OSBPL10: variants seen among roughly 807,000 people sequenced by gnomAD.
The protein encoded by OSBPL10 is oxysterol-binding protein-related protein 10.
In OSBPL10, 49 loss-of-function variants were observed where a neutral mutation model predicts 81.7. The observed-to-expected ratio is 0.60, with a 90% CI of 0.48 to 0.76. The LOEUF (loss-of-function observed/expected upper bound fraction) is 0.76, where lower values mean the gene tolerates loss of function less well. OSBPL10 is among the 30% of genes least tolerant of loss of function. The pLI is 0.00. For synonymous variants in OSBPL10, 419 were observed against 383.6 expected, an observed-to-expected ratio of 1.09 and a Z score of -1.08; for missense variants, 923 against 987.8, an observed-to-expected ratio of 0.93 and a Z score of 0.88.
chr3:31,971,110 T>TG (rs1291507826), intron 1 of OSBPL10, among the ~76,000 whole-genome samples: 3 of 147,564 alleles, frequency 2.0e-5, no homozygotes, highest in Non-Finnish European at 4.5e-5. Context: ...AATGAGTTGG[T>TG]TTTTTTTTTC....
At chr3:32,054,182 T>C (rs72858435) in intron 1 of OSBPL10, among the ~76,000 whole-genome samples, 6,193 of 152,274 alleles carry the variant, frequency 0.041, 352 homozygotes, top group African/African-American at 0.12. Flanking sequence ...TATTTTAAAA[T>C]ATCAAGTGCT....
At chr3:31,865,553 A>G (rs1339951824) in intron 3 of OSBPL10, among the ~76,000 whole-genome samples, 1 of 152,108 alleles carries the variant, frequency 6.6e-6, no homozygotes, top group Non-Finnish European at 1.5e-5. Context: ...CCTAACCCCC[A>G]AGTTGATAGC....
At chr3:31,985,199 A>G (rs1374413081), upstream of OSBPL10, among the ~76,000 whole-genome samples, 1 of 152,222 alleles carries the variant, frequency 6.6e-6, no homozygotes, top group East Asian at 1.9e-4. Context: ...AGATCACACC[A>G]TTGCACTCCA....
intron 4 of OSBPL10, among the ~76,000 whole-genome samples, chr3:31,756,378 T>G (rs1697887524): frequency 6.6e-6 from 1 of 152,154 alleles, no homozygotes; most frequent in South Asian, 2.1e-4. Flanking sequence ...CTTTTTTGGT[T>G]TTGCTTTCCG....
At chr3:31,977,221 C>T (rs1698717640) in intron 1 of OSBPL10, among the ~76,000 whole-genome samples, 2 of 152,080 alleles carry the variant, frequency 1.3e-5, no homozygotes, top group South Asian at 4.1e-4. Context: ...TATTCTTGCC[C>T]CTCTCTCACC....
intron 1 of OSBPL10, among the ~76,000 whole-genome samples, chr3:31,924,927 T>A (rs1697027483): frequency 6.6e-6 from 1 of 152,194 alleles, no homozygotes; most frequent in Non-Finnish European, 1.5e-5. Context: ...ACTAAAATAG[T>A]AGCCATTCAT....
chr3:31,736,281 C>T lies in OSBPL10; in HGVS notation c.941-2870G>A, dbSNP rs188056932. 1.6e-4 allele frequency among the ~76,000 whole-genome samples: 25 copies of T among 152,160 alleles called. No homozygotes were observed. The East Asian group carries it at 4.6e-3, about 28-fold the overall frequency. ...ACACATAAAAATGGTCAGGATGATG[C>T]ATTTTATGTTATGTGTATTTGACTA... On this transcript the variant is annotated intron_variant, in intron 5 of 11. Transcript: ENST00000396556.
At chr3:31,907,930 A>G (rs1175772376) in intron 1 of OSBPL10, among the ~76,000 whole-genome samples, 1 of 152,192 alleles carries the variant, frequency 6.6e-6, no homozygotes, top group East Asian at 1.9e-4. Context: ...TTAGAGAAAA[A>G]TAAAACAGGC....
intron 4 of OSBPL10, 110 bp from the exon 5 acceptor site, chr3:31,748,230 A>T: frequency 1.1e-6 from 1 of 949,022 alleles, no homozygotes; most frequent in East Asian, 2.6e-5. Flanking sequence ...GGGTCAACTC[A>T]GCGTGTTCGG....
intron 6 of OSBPL10, among the ~76,000 whole-genome samples, chr3:31,732,144 G>A (rs1696991061): frequency 6.6e-6 from 1 of 152,144 alleles, no homozygotes; most frequent in Non-Finnish European, 1.5e-5. Context: ...TTACACATCA[G>A]CTGCATGAGT....
At chr3:31,752,579 G>C (rs1450759613) in intron 4 of OSBPL10, among the ~76,000 whole-genome samples, 1 of 152,114 alleles carries the variant, frequency 6.6e-6, no homozygotes, top group Non-Finnish European at 1.5e-5. Flanking sequence ...CAAATCATAG[G>C]AGTTAATGTT....
rs71097443 is a variant in OSBPL10 at position 31,796,993 on chromosome 3, A to ATTTT, written c.729+33043_729+33046dup. On this transcript the variant is annotated intron_variant, in intron 4 of 11. Transcript: ENST00000396556. ...ATTTTTATTTTATTAATTTTTATTA[A>ATTTT]TTTTTTTTTTTTTTTTTTTTGAGAC... 1.6e-3 allele frequency among the ~76,000 whole-genome samples: 202 copies of ATTTT among 123,574 alleles called. 3 individuals are homozygous for ATTTT. Among genetic ancestry groups the ATTTT allele is most frequent in the East Asian group, 2.3e-3 (10 of 4,328 alleles). 81.1% of individuals were successfully genotyped at this position (123,574 alleles called of 152,430 possible).
chr3:31,832,720 T>G (rs1700274274), intron 3 of OSBPL10, among the ~76,000 whole-genome samples: 1 of 152,156 alleles, frequency 6.6e-6, no homozygotes, highest in Non-Finnish European at 1.5e-5. Context: ...AGAAGTGAGC[T>G]CATCTCATCA....
intron 2 of OSBPL10, among the ~76,000 whole-genome samples, chr3:32,008,965 C>T (rs1322915947): frequency 1.3e-5 from 2 of 152,020 alleles, no homozygotes; most frequent in African/African-American, 4.8e-5. Flanking sequence ...TGAATAGACA[C>T]AGAACAACAG....
intron 2 of OSBPL10, among the ~76,000 whole-genome samples, chr3:32,012,753 C>T (rs1340103651): frequency 2.0e-5 from 3 of 152,124 alleles, no homozygotes; most frequent in Middle Eastern, 3.4e-3. Context: ...GAAAGATCTA[C>T]CAAGCAAATG....
chr3:31,910,566 G>A (rs1696545037), intron 1 of OSBPL10, among the ~76,000 whole-genome samples: 1 of 151,968 alleles, frequency 6.6e-6, no homozygotes, highest in Non-Finnish European at 1.5e-5. Flanking sequence ...AACCTGGGAG[G>A]TGGAGGTTGC....
At chr3:31,787,029 GAATTA>G (rs1698877393) in intron 4 of OSBPL10, among the ~76,000 whole-genome samples, 1 of 152,132 alleles carries the variant, frequency 6.6e-6, no homozygotes, top group African/African-American at 2.4e-5. Flanking sequence ...GGTTGTTCTG[GAATTA>G]AATAAGACAA....
chr3:31,759,701 C>T (rs1468484843), intron 4 of OSBPL10, among the ~76,000 whole-genome samples: 1 of 152,128 alleles, frequency 6.6e-6, no homozygotes, highest in Non-Finnish European at 1.5e-5. Context: ...AGTCGATTAG[C>T]ACATATTAGC....
chr3:32,077,042 C>A (rs986053819), intron 1 of OSBPL10, among the ~76,000 whole-genome samples: 1 of 152,058 alleles, frequency 6.6e-6, no homozygotes, highest in African/African-American at 2.4e-5. Flanking sequence ...GATCTTTTGG[C>A]CAATTTGTTA....
Sources: gnomAD v4.1 joint callset for allele counts (sites outside exome capture counted in the v4.1 genomes callset) on GRCh38, gnomAD v4.1.1 for gene constraint, MANE v1.5 for transcripts, NCBI Gene and HGNC (gene_info 2026-07-23, HGNC 2026-07-21) for gene names.